The following PTPRN2 variants were observed in gnomAD, a reference collection of about 807,000 sequenced individuals.
PTPRN2 encodes receptor-type tyrosine-protein phosphatase N2.
In PTPRN2, 74 loss-of-function variants were observed where a neutral mutation model predicts 118.8. That is an observed-to-expected ratio of 0.62 (90% CI 0.52 to 0.76). PTPRN2 has a LOEUF of 0.76. Ranked by LOEUF, PTPRN2 falls within the 30% of genes least tolerant of loss-of-function variation. The pLI is 0.00. For missense variants in PTPRN2, 1,481 were observed against 1,394.4 expected (o/e 1.06, Z -0.99); for synonymous variants, 641 against 608.0 (o/e 1.05, Z -0.80).
In PTPRN2 at chr7:157,790,069, G is replaced by GGT. The variant is rs570671524; in HGVS notation, c.1789-107134_1789-107133dup. Among the ~76,000 whole-genome samples the GGT allele has an allele frequency of 1.3e-3, 170 of 126,724 alleles. 2 individuals are homozygous for GGT. The highest frequency in any genetic ancestry group is 8.6e-3 in the South Asian group (28 of 3,250). The allele number at this position is 126,724 out of a possible 152,430, so 83.1% of individuals were successfully genotyped here. ...TGGTGTTTGTGTGGTGTGAATGTGT[G>GGT]GTGTGTGTGTGTGGTGTGTGTGGTG... On this transcript the variant is annotated intron_variant, in intron 12 of 22. Coordinates refer to ENST00000389418, the MANE Select transcript of PTPRN2 (RefSeq NM_002847.5).
At chr7:158,151,896 G>A (rs189312389) in intron 6 of PTPRN2, among the ~76,000 whole-genome samples, 6 of 152,270 alleles carry the variant, frequency 3.9e-5, no homozygotes, top group East Asian at 1.9e-4. Context: ...GAATGCGGCC[G>A]GGCGCGGTGG....
At position 157,831,897 on chromosome 7, in the gene PTPRN2, G is replaced by A. The variant is rs1379342314; in HGVS notation, c.1788+66776C>T. Among the ~76,000 whole-genome samples the A allele has an allele frequency of 5.3e-5, 8 of 152,340 alleles. No individual in the cohort carries two copies. In the East Asian group the frequency reaches 1.2e-3, roughly 22 times the overall value. On this transcript the variant is annotated intron_variant, in intron 12 of 22. Transcript: ENST00000389418. The surrounding 1 kb of genome is among the most constrained non-coding windows in gnomAD (Gnocchi z 4.8). ...CATAGCCATCCTTAAGCTGGGGGAGGGCAGTTATGGAGCTCCAGAGCGGGG... is the reference window on the plus strand; with the variant it reads ...CATAGCCATCCTTAAGCTGGGGGAGAGCAGTTATGGAGCTCCAGAGCGGGG...
chr7:158,342,102 G>T (rs1293862998), intron 2 of PTPRN2, among the ~76,000 whole-genome samples: 1 of 139,692 alleles, frequency 7.2e-6, no homozygotes, highest in Non-Finnish European at 1.5e-5. Context: ...ACCTGCAGAC[G>T]TCACTCACAC....
chr7:157,582,460 C>T (rs1217098921), intron 17 of PTPRN2, among the ~76,000 whole-genome samples: 2 of 152,176 alleles, frequency 1.3e-5, no homozygotes, highest in East Asian at 3.8e-4. Flanking sequence ...ACTGGCACCT[C>T]GTGCCTGTTG....
Position 157,784,181 on chromosome 7 carries a change from G to A in PTPRN2, c.1789-101244C>T, listed in dbSNP as rs999215605. Among the ~76,000 whole-genome samples the A allele has an allele frequency of 6.6e-6, 1 of 152,080 alleles. No individual in the cohort carries two copies. The highest frequency in any genetic ancestry group is 1.5e-5 in the Non-Finnish European group (1 of 68,018). On this transcript the variant is annotated intron_variant, in intron 12 of 22. Coordinates refer to ENST00000389418, the MANE Select transcript of PTPRN2 (RefSeq NM_002847.5). This position sits in a 1 kb window ranked among gnomAD's most constrained non-coding sequence, Gnocchi z 4.6. ...ACAGGCAGCTCAACGTTAGGCCAGG[G>A]ACCAATCTTACCACGTGGCTTCTGG...
Position 158,546,456 on chromosome 7 carries a change from G to A in PTPRN2, c.112+41102C>T, listed in dbSNP as rs1259823823. ...GGAATCACAGCCGCCGGGTTAAGGG[G>A]CTCATGGCGGAGGCAAGCCCCAGTG... On this transcript the variant is annotated intron_variant, in intron 1 of 22. Coordinates refer to ENST00000389418, the MANE Select transcript of PTPRN2 (RefSeq NM_002847.5). The surrounding 1 kb of genome is among the most constrained non-coding windows in gnomAD (Gnocchi z 5.0). 6.6e-6 allele frequency among the ~76,000 whole-genome samples: 1 copy of A among 152,224 alleles called. No individual in the cohort carries two copies. Among genetic ancestry groups the A allele is most frequent in the African/African-American group, 2.4e-5 (1 of 41,466 alleles).
chr7:158,366,600 G>A (rs1361523934), intron 2 of PTPRN2, among the ~76,000 whole-genome samples: 2 of 147,846 alleles, frequency 1.4e-5, no homozygotes, highest in African/African-American at 5.0e-5. Context: ...CGAACGCAGA[G>A]CCCCGGCAGC....
intron 17 of PTPRN2, among the ~76,000 whole-genome samples, chr7:157,586,651 C>A (rs1800691153): frequency 6.6e-6 from 1 of 151,948 alleles, no homozygotes; most frequent in African/African-American, 2.4e-5. Context: ...GACGCCACGT[C>A]TGTCCTGGAG....
rs1439135078 is a variant in PTPRN2, at chr7:158,171,346, T to TAC, written c.550-4056_550-4055insGT. Reference sequence around the variant, plus strand: ...ATATATATATATATATATATATATATATACACACACACATTTTTTTAAGAC... The same window carrying TAC: ...ATATATATATATATATATATATATATACATACACACACACATTTTTTTAAGAC... On this transcript the variant is annotated intron_variant, in intron 5 of 22. Coordinates refer to ENST00000389418, the MANE Select transcript of PTPRN2 (RefSeq NM_002847.5). 7.1e-4 allele frequency among the ~76,000 whole-genome samples: 84 copies of TAC among 117,618 alleles called. 3 individuals carry two copies. The highest frequency in any genetic ancestry group is 2.8e-3 in the African/African-American group (67 of 24,072). 77.2% of individuals were successfully genotyped at this position (117,618 alleles called of 152,430 possible).
intron 19 of PTPRN2, among the ~76,000 whole-genome samples, chr7:157,572,794 T>G (rs1307126738): frequency 1.3e-5 from 2 of 152,226 alleles, no homozygotes; most frequent in Non-Finnish European, 2.9e-5. Context: ...TGTGCTGCCC[T>G]CTGGTCTGTG....
intron 12 of PTPRN2, among the ~76,000 whole-genome samples, chr7:157,837,668 C>T (rs1400512211): frequency 1.3e-5 from 2 of 152,148 alleles, no homozygotes; most frequent in Non-Finnish European, 1.5e-5. Context: ...GCATCCAGCC[C>T]CCGCAGGGCA....
At chr7:157,911,905 C>A (rs1798127669) in intron 11 of PTPRN2, among the ~76,000 whole-genome samples, 2 of 152,188 alleles carry the variant, frequency 1.3e-5, no homozygotes, top group Admixed American at 1.3e-4. Context: ...TTTTGCATGT[C>A]ATGGTGGCTC....
intron 14 of PTPRN2, among the ~76,000 whole-genome samples, chr7:157,651,158 A>G (rs1805630899): frequency 6.6e-6 from 1 of 152,344 alleles, no homozygotes; most frequent in South Asian, 2.1e-4. Flanking sequence ...CTCCCTCCTC[A>G]GCAAAATTCA....
chr7:158,177,371 G>C (rs1824307707), intron 5 of PTPRN2, among the ~76,000 whole-genome samples: 2 of 152,040 alleles, frequency 1.3e-5, no homozygotes, highest in Admixed American at 6.6e-5. Context: ...ATCTTTTTAT[G>C]AAGTATCCGT....
Position 158,509,576 on chromosome 7 carries a change from T to C in PTPRN2, c.113-19791A>G, listed in dbSNP as rs1823029107. On this transcript the variant is annotated intron_variant, in intron 1 of 22. Transcript: ENST00000389418. This position sits in a 1 kb window ranked among gnomAD's most constrained non-coding sequence, Gnocchi z 4.4. Reference sequence around the variant, plus strand: ...CAGAGCTTAGCAGCCAAAATCAGAATAGCACAGATGCGTAGTCACCCCAAA... The same window carrying C: ...CAGAGCTTAGCAGCCAAAATCAGAACAGCACAGATGCGTAGTCACCCCAAA... Among the ~76,000 whole-genome samples, 1 of 152,220 alleles carries C rather than the reference T, an allele frequency of 6.6e-6. No homozygotes were observed. The highest frequency in any genetic ancestry group is 2.4e-5 in the African/African-American group (1 of 41,462).
intron 3 of PTPRN2, among the ~76,000 whole-genome samples, chr7:158,234,002 C>G (rs117124062): frequency 1.3e-5 from 2 of 151,960 alleles, no homozygotes; most frequent in East Asian, 1.9e-4. Flanking sequence ...ATATAAGACC[C>G]GAAACTATGA....
At chr7:158,241,281 C>A (rs1208676045) in intron 3 of PTPRN2, among the ~76,000 whole-genome samples, 1 of 152,092 alleles carries the variant, frequency 6.6e-6, no homozygotes. Context: ...TTTGGGAGGC[C>A]AAGGGGGAGG....
chr7:158,393,658 T>G (rs1812114553), intron 2 of PTPRN2, among the ~76,000 whole-genome samples: 1 of 152,208 alleles, frequency 6.6e-6, no homozygotes, highest in African/African-American at 2.4e-5. Flanking sequence ...TTCTAGCTTT[T>G]CACAGCTTAG....
At chr7:158,331,032 CCAT>C (rs1804293908) in intron 2 of PTPRN2, among the ~76,000 whole-genome samples, 1 of 141,198 alleles carries the variant, frequency 7.1e-6, no homozygotes, top group South Asian at 2.3e-4. Context: ...CACACTCTCA[CCAT>C]AAGAGGTGAC....
Sources: allele counts gnomAD v4.1 joint callset (sites outside exome capture counted in the v4.1 genomes callset), GRCh38; gene constraint gnomAD v4.1.1; non-coding constraint Gnocchi (gnomAD v3.1); transcripts MANE v1.5; gene names NCBI Gene and HGNC (gene_info 2026-07-23, HGNC 2026-07-21).